ARMH3: variants seen among roughly 807,000 people sequenced by gnomAD.
ARMH3 encodes the protein armadillo like helical domain containing 3, also known as armadillo-like helical domain-containing protein 3.
ARMH3 carries 60 observed loss-of-function variants against 99.1 expected under a neutral mutation model. The observed-to-expected ratio is 0.61, with a 90% CI of 0.49 to 0.75. The LOEUF (loss-of-function observed/expected upper bound fraction) is 0.75, where lower values mean the gene tolerates loss of function less well. ARMH3 is among the 30% of genes least tolerant of loss of function. The probability of loss-of-function intolerance (pLI) is 0.00; values close to 1 mark genes in which losing one functional copy is unlikely to be tolerated. For synonymous variants in ARMH3, 285 were observed against 292.8 expected (o/e 0.97, Z 0.27); for missense variants, 679 against 843.1 (o/e 0.81, Z 2.41).
chr10:101,911,415 A>C (rs1428949288), intron 23 of ARMH3, among the ~76,000 whole-genome samples: 2 of 152,210 alleles, frequency 1.3e-5, no homozygotes, highest in Non-Finnish European at 2.9e-5. Flanking sequence ...GAAAGCAAGA[A>C]GGCTAACAAA....
At chr10:101,944,797 G>C (rs1012857650) in intron 22 of ARMH3, among the ~76,000 whole-genome samples, 2 of 152,032 alleles carry the variant, frequency 1.3e-5, no homozygotes, top group East Asian at 3.9e-4. Flanking sequence ...CTGGGGGACA[G>C]AGTGAGACTC....
At chr10:101,990,205 CAG>C (rs1175491400) in intron 19 of ARMH3, among the ~76,000 whole-genome samples, 3 of 129,930 alleles carry the variant, frequency 2.3e-5, no homozygotes, top group Non-Finnish European at 3.2e-5. Flanking sequence ...TTTTCCCAGA[CAG>C]AGTCTTCGCT....
At chr10:102,014,337 A>T (rs1051395001) in intron 8 of ARMH3, among the ~76,000 whole-genome samples, 3 of 152,240 alleles carry the variant, frequency 2.0e-5, no homozygotes, top group African/African-American at 7.2e-5. Flanking sequence ...GCATCTAAAA[A>T]GTAAGTGAGT....
chr10:102,019,122 C>T (rs953839312), intron 8 of ARMH3, among the ~76,000 whole-genome samples: 1 of 151,984 alleles, frequency 6.6e-6, no homozygotes, highest in African/African-American at 2.4e-5. Flanking sequence ...GATCTCAGCT[C>T]ACTGCAACCT....
intron 24 of ARMH3, 152 bp from the exon 25 acceptor site, chr10:101,850,044 A>G (rs1026160458): frequency 8.4e-6 from 5 of 593,708 alleles, no homozygotes; most frequent in Non-Finnish European, 1.2e-5. Context: ...CAGCCTGGCT[A>G]CAGGGAGCGA....
At position 101,863,144 on chromosome 10, in the gene ARMH3, G is replaced by A. The variant is rs912914379; in HGVS notation, c.1861-13252C>T. ...CTTGAATCCGGGAGGCGGAGGTTGC[G>A]GTGAGCCAAGATCACGCCACTGCAC... On this transcript the variant is annotated intron_variant, in intron 24 of 25. Transcript: ENST00000370033. Among the ~76,000 whole-genome samples the A allele has an allele frequency of 3.3e-5, 5 of 152,096 alleles. No homozygotes were observed. In the East Asian group the frequency reaches 9.6e-4, roughly 29 times the overall value.
At chr10:101,962,967 TTTC>T (rs1319049871) in intron 20 of ARMH3, among the ~76,000 whole-genome samples, 2 of 144,548 alleles carry the variant, frequency 1.4e-5, no homozygotes, top group African/African-American at 5.1e-5. Context: ...CATGTCTTTT[TTTC>T]TTTTTTTTTT....
chr10:102,011,325 C>G (rs1325553505), intron 11 of ARMH3, among the ~76,000 whole-genome samples: 1 of 152,130 alleles, frequency 6.6e-6, no homozygotes, highest in Non-Finnish European at 1.5e-5. Context: ...GATCCAAACC[C>G]TACTATACCG....
intron 22 of ARMH3, among the ~76,000 whole-genome samples, chr10:101,954,336 C>T (rs559148833): frequency 1.2e-4 from 18 of 152,200 alleles, no homozygotes; most frequent in South Asian, 4.2e-4. Context: ...GCAATTCATA[C>T]AATGGAATAT....
At chr10:101,985,800 G>A (rs535707889) in intron 19 of ARMH3, among the ~76,000 whole-genome samples, 4 of 152,006 alleles carry the variant, frequency 2.6e-5, no homozygotes, top group East Asian at 1.9e-4. Context: ...ATGGGTCACC[G>A]GAGGTCAGGA....
intron 24 of ARMH3, among the ~76,000 whole-genome samples, chr10:101,885,490 A>C (rs982010743): frequency 1.1e-4 from 16 of 152,226 alleles, no homozygotes; most frequent in African/African-American, 3.1e-4. Context: ...ATATGGATGA[A>C]TCTTGAATAC....
intron 15 of ARMH3, among the ~76,000 whole-genome samples, chr10:101,997,392 G>C (rs1016562153): frequency 2.6e-5 from 4 of 152,072 alleles, no homozygotes; most frequent in Admixed American, 2.6e-4. Context: ...AGGAGATCGA[G>C]ACCATCCTGG....
chr10:101,907,238 T>A (rs1464476600), intron 23 of ARMH3, among the ~76,000 whole-genome samples: 1 of 152,188 alleles, frequency 6.6e-6, no homozygotes, highest in Non-Finnish European at 1.5e-5. Flanking sequence ...CTCTTCTAGA[T>A]CTATGGAAAG....
rs923362522 is a variant in ARMH3 at position 101,975,171 on chromosome 10, A to G, written c.1495+41T>C. 5 of 1,556,868 alleles carry G rather than the reference A, an allele frequency of 3.2e-6. No homozygotes were observed. The African/African-American group carries it at 6.8e-5, about 21-fold the overall frequency. ...GAGCCCAGGCCTAGGGGCTCAAAAA[A>G]GGTATAGAAAAAGGAAGATGAATTC... On this transcript the variant is annotated intron_variant, in intron 20 of 25. Coordinates refer to ENST00000370033, the MANE Select transcript of ARMH3 (RefSeq NM_024541.3).
chr10:101,995,407 C>G, intron 15 of ARMH3, 52 bp from the exon 16 acceptor site: 1 of 1,428,266 alleles, frequency 7.0e-7, no homozygotes, highest in Non-Finnish European at 9.8e-7. Flanking sequence ...TTTACATCAT[C>G]TGTTTCAATA....
At chr10:102,041,956 A>T (rs1406489935) in intron 1 of ARMH3, among the ~76,000 whole-genome samples, 1 of 152,102 alleles carries the variant, frequency 6.6e-6, no homozygotes, top group Admixed American at 6.6e-5. Flanking sequence ...CCTGACCTAA[A>T]ATTTTACTAA....
chr10:102,006,753 C>G (rs991971281), intron 13 of ARMH3, 120 bp from the exon 14 acceptor site: 8 of 784,092 alleles, frequency 1.0e-5, no homozygotes, highest in Non-Finnish European at 1.6e-5. Flanking sequence ...TTTGAGACAG[C>G]ATCTTGCTAT....
intron 24 of ARMH3, among the ~76,000 whole-genome samples, chr10:101,874,934 G>A (rs2067224530): frequency 6.6e-6 from 1 of 152,164 alleles, no homozygotes; most frequent in Admixed American, 6.5e-5. Flanking sequence ...TGTGCACACA[G>A]GCAAAGGTCT....
intron 17 of ARMH3, among the ~76,000 whole-genome samples, chr10:101,993,154 C>A (rs1846881838): frequency 6.6e-6 from 1 of 151,670 alleles, no homozygotes; most frequent in South Asian, 2.1e-4. Flanking sequence ...ACCTGTAATC[C>A]CAGCTACTCA....
Sources: gnomAD v4.1 joint callset for allele counts (sites outside exome capture counted in the v4.1 genomes callset) on GRCh38, gnomAD v4.1.1 for gene constraint, MANE v1.5 for transcripts, NCBI Gene and HGNC (gene_info 2026-07-23, HGNC 2026-07-21) for gene names.